The following ATRNL1 variants were observed in gnomAD, a reference collection of about 807,000 sequenced individuals.
ATRNL1 encodes the protein attractin like 1, also known as attractin-like protein 1.
In ATRNL1, 95 loss-of-function variants were observed where a neutral mutation model predicts 182.7. That is an observed-to-expected ratio of 0.52 (90% confidence interval 0.44 to 0.62). The LOEUF is 0.62. Among genes scored for constraint, ATRNL1 ranks in the 20% least tolerant of loss-of-function variants. The pLI, the probability that ATRNL1 is intolerant of heterozygous loss-of-function variation, is 0.00. For missense variants in ATRNL1, 1,471 were observed against 1,679.5 expected (o/e 0.88, Z 2.17); for synonymous variants, 576 against 568.3 (o/e 1.01, Z -0.19).
At chr10:115,335,994 T>C (rs1592475209) in intron 19 of ATRNL1, among the ~76,000 whole-genome samples, 2 of 152,278 alleles carry the variant, frequency 1.3e-5, no homozygotes, top group East Asian at 3.9e-4. Context: ...GAAGCTCTAA[T>C]ACAGATGCAT....
intron 26 of ATRNL1, among the ~76,000 whole-genome samples, chr10:115,660,185 A>C (rs1565259611): frequency 1.3e-5 from 2 of 152,098 alleles, no homozygotes; most frequent in African/African-American, 4.8e-5. Flanking sequence ...GATTTCAGAG[A>C]GATTTTACAG....
intron 24 of ATRNL1, among the ~76,000 whole-genome samples, chr10:115,495,789 A>G (rs1554978029): frequency 6.6e-6 from 1 of 151,766 alleles, no homozygotes; most frequent in Admixed American, 6.6e-5. Flanking sequence ...TGAGAAGAAT[A>G]TATTCTTTTG....
intron 26 of ATRNL1, among the ~76,000 whole-genome samples, chr10:115,551,601 G>A (rs2133814063): frequency 6.6e-6 from 1 of 151,434 alleles, no homozygotes; most frequent in African/African-American, 2.4e-5. Flanking sequence ...AAAAGAAAAT[G>A]TATCTTGAGG....
chr10:115,399,202 A>G (rs1233359294), intron 20 of ATRNL1, among the ~76,000 whole-genome samples: 1 of 152,088 alleles, frequency 6.6e-6, no homozygotes, highest in African/African-American at 2.4e-5. Flanking sequence ...TAGTATCAAG[A>G]TGAGGCTGGC....
chr10:115,905,271 A>G (rs1341835186), intron 28 of ATRNL1, among the ~76,000 whole-genome samples: 1 of 152,120 alleles, frequency 6.6e-6, no homozygotes, highest in African/African-American at 2.4e-5. Flanking sequence ...CCCAGGATAG[A>G]GTACAGTGGT....
intron 26 of ATRNL1, among the ~76,000 whole-genome samples, chr10:115,662,397 G>T (rs924160821): frequency 6.6e-6 from 1 of 152,048 alleles, no homozygotes; most frequent in East Asian, 1.9e-4. Flanking sequence ...GTGGAAGTCA[G>T]TGTGGCGATT....
chr10:115,398,995 T>C (rs1448450588), intron 20 of ATRNL1, among the ~76,000 whole-genome samples: 1 of 151,900 alleles, frequency 6.6e-6, no homozygotes, highest in Non-Finnish European at 1.5e-5. Context: ...CTGTTTATAT[T>C]ATGAATCACA....
chr10:115,193,595 G>T (rs1848245714), intron 8 of ATRNL1, among the ~76,000 whole-genome samples: 1 of 151,268 alleles, frequency 6.6e-6, no homozygotes, highest in Non-Finnish European at 1.5e-5. Flanking sequence ...ATTTATTTAG[G>T]TCTTCTTTCT....
At chr10:115,911,418 A>T (rs1434811439) in intron 28 of ATRNL1, among the ~76,000 whole-genome samples, 1 of 152,074 alleles carries the variant, frequency 6.6e-6, no homozygotes, top group Non-Finnish European at 1.5e-5. Flanking sequence ...CCTGTGTTCA[A>T]GCGATTCTCC....
intron 5 of ATRNL1, among the ~76,000 whole-genome samples, chr10:115,157,952 G>C (rs1846601077): frequency 6.6e-6 from 1 of 151,780 alleles, no homozygotes; most frequent in African/African-American, 2.4e-5. Flanking sequence ...TCTTTTCCAA[G>C]TAATACCCAC....
intron 25 of ATRNL1, among the ~76,000 whole-genome samples, chr10:115,528,886 A>G (rs782772452): frequency 1.3e-5 from 2 of 152,102 alleles, no homozygotes; most frequent in African/African-American, 2.4e-5. Context: ...CCATTGATCA[A>G]ATGTGTGTTG....
intron 5 of ATRNL1, among the ~76,000 whole-genome samples, chr10:115,156,597 G>T (rs748410757): frequency 1.6e-4 from 24 of 152,106 alleles, no homozygotes; most frequent in Non-Finnish European, 2.5e-4. Flanking sequence ...AATGCTTAAA[G>T]TTACAGTGTT....
At chr10:115,738,481 G>T (rs1948047965) in intron 27 of ATRNL1, among the ~76,000 whole-genome samples, 1 of 151,980 alleles carries the variant, frequency 6.6e-6, no homozygotes. Context: ...ATAAATAAGA[G>T]ATTTTTATAG....
At chr10:115,503,824 A>G (rs1264673330) in intron 24 of ATRNL1, among the ~76,000 whole-genome samples, 1 of 151,284 alleles carries the variant, frequency 6.6e-6, no homozygotes, top group East Asian at 1.9e-4. Context: ...GACTAAATCT[A>G]CCCTACAAGA....
At position 115,423,510 on chromosome 10, in the gene ATRNL1, C is replaced by T. The variant is rs573211656; in HGVS notation, c.3270-2740C>T. On this transcript the variant is annotated intron_variant, in intron 20 of 28. Coordinates refer to ENST00000355044, the MANE Select transcript of ATRNL1 (RefSeq NM_207303.4). Reference sequence around the variant, plus strand: ...ACCACTGTATTCCAGCCTGGGCAACCGAGTGAGACTGTGTCTCAGAAACAA... The same window carrying T: ...ACCACTGTATTCCAGCCTGGGCAACTGAGTGAGACTGTGTCTCAGAAACAA... Among the ~76,000 whole-genome samples the T allele has an allele frequency of 3.9e-5, 6 of 152,038 alleles. No individual in the cohort carries two copies. The East Asian group carries it at 7.7e-4, about 20-fold the overall frequency.
chr10:115,759,076 A>G (rs1438763867), intron 27 of ATRNL1, among the ~76,000 whole-genome samples: 1 of 152,218 alleles, frequency 6.6e-6, no homozygotes, highest in Non-Finnish European at 1.5e-5. Flanking sequence ...TTAATCTTAT[A>G]GAGCAATAAA....
chr10:115,815,622 G>A (rs1950147049), intron 27 of ATRNL1, among the ~76,000 whole-genome samples: 1 of 152,038 alleles, frequency 6.6e-6, no homozygotes, highest in African/African-American at 2.4e-5. Flanking sequence ...TCAAGTGGAG[G>A]TTGACTTCAG....
chr10:115,255,402 G>C (rs1851077384), intron 10 of ATRNL1, among the ~76,000 whole-genome samples: 1 of 152,116 alleles, frequency 6.6e-6, no homozygotes, highest in Non-Finnish European at 1.5e-5. Flanking sequence ...TGTGGCAATG[G>C]CGAATGGGAG....
rs11528278 is a variant in ATRNL1 at position 115,321,137 on chromosome 10, A to T, written c.3037+5401A>T. 4.0e-3 allele frequency among the ~76,000 whole-genome samples: 606 copies of T among 151,638 alleles called. 20 individuals carry two copies. The East Asian group carries it at 0.088, about 22-fold the overall frequency. On this transcript the variant is annotated intron_variant, in intron 18 of 28. Transcript: ENST00000355044. ...CTTTCTGTTTGTTTTTCTTTCAATG[A>T]TCAGGTCCCTCTTATGTAGGACTGC...
Sources: gnomAD v4.1 joint callset for allele counts (sites outside exome capture counted in the v4.1 genomes callset) on GRCh38, gnomAD v4.1.1 for gene constraint, MANE v1.5 for transcripts, NCBI Gene and HGNC (gene_info 2026-07-23, HGNC 2026-07-21) for gene names.